Variants in ZC2HC1B observed in about 807,000 individuals in gnomAD.
ZC2HC1B encodes zinc finger C2HC-type containing 1B, also known as zinc finger C2HC domain-containing protein 1B.
In ZC2HC1B, 36 loss-of-function variants were observed where a neutral mutation model predicts 31.0. That is an observed-to-expected ratio of 1.16 (90% CI 0.89 to 1.54). The LOEUF (loss-of-function observed/expected upper bound fraction) is 1.54, where lower values mean the gene tolerates loss of function less well. ZC2HC1B is among the 40% of genes most tolerant of loss of function. ZC2HC1B has a pLI of 0.00. For missense variants in ZC2HC1B, 260 were observed against 268.6 expected (o/e 0.97, Z 0.22); for synonymous variants, 73 against 88.0 (o/e 0.83, Z 0.95).
intron 4 of ZC2HC1B, among the ~76,000 whole-genome samples, chr6:143,889,341 A>G (rs766121545): frequency 1.3e-5 from 2 of 152,112 alleles, no homozygotes; most frequent in Admixed American, 1.3e-4. Flanking sequence ...TGGTAGACTT[A>G]AACCTAACCA....
rs985617642 is a variant in ZC2HC1B at position 143,923,423 on chromosome 6, T to G, written c.599-14226T>G. 2.6e-5 allele frequency among the ~76,000 whole-genome samples: 4 copies of G among 152,190 alleles called. No homozygotes were observed. Among genetic ancestry groups the G allele is most frequent in the African/African-American group, 9.6e-5 (4 of 41,468 alleles). The stretch of plus-strand genomic sequence containing the variant: ...ATGTTGTCCTTCTCACTCTGTTGAT[T>G]GCTTCCTTTGCTGCATAGAAGCTTT... On this transcript the variant is annotated intron_variant, in intron 6 of 7. Transcript: ENST00000237275. The surrounding 1 kb of genome is among the most constrained non-coding windows in gnomAD (Gnocchi z 4.8).
chr6:143,937,166 G>T (rs913425925), intron 6 of ZC2HC1B, among the ~76,000 whole-genome samples: 3 of 152,074 alleles, frequency 2.0e-5, no homozygotes, highest in Non-Finnish European at 4.4e-5. Flanking sequence ...ACACTGCTGG[G>T]CTCAAGGGAA....
chr6:143,870,489 CT>C lies in ZC2HC1B; in HGVS notation c.28+5924del, dbSNP rs1356172100. 6.6e-6 allele frequency among the ~76,000 whole-genome samples: 1 copy of C among 152,188 alleles called. No homozygotes were observed. Among genetic ancestry groups the C allele is most frequent in the Middle Eastern group, 3.2e-3 (1 of 316 alleles). On this transcript the variant is annotated intron_variant, in intron 1 of 7. Transcript: ENST00000237275. This position sits in a 1 kb window ranked among gnomAD's most constrained non-coding sequence, Gnocchi z 4.7. ...TTGAGCCACTTCCTCATGTAACTTA[CT>C]TGTGCCTTTAGGACCTGCTTGAGTC... is the stretch of plus-strand genomic sequence containing the variant.
In ZC2HC1B at chr6:143,887,737, C is replaced by A. The variant is rs962145081; in HGVS notation, c.349+916C>A. Among the ~76,000 whole-genome samples the A allele has an allele frequency of 6.6e-6, 1 of 151,854 alleles. No individual in the cohort carries two copies. Among genetic ancestry groups the A allele is most frequent in the African/African-American group, 2.4e-5 (1 of 41,342 alleles). On this transcript the variant is annotated intron_variant, in intron 4 of 7. Coordinates refer to ENST00000237275, the MANE Select transcript of ZC2HC1B (RefSeq NM_001013623.3). The surrounding 1 kb of genome is among the most constrained non-coding windows in gnomAD (Gnocchi z 5.1). ...TTCCTCTATCTCATCTTTATGTAAA[C>A]TGAAAGTTAGGGCTAGAATCTCAAT... is the stretch of plus-strand genomic sequence containing the variant.
At chr6:143,889,568 G>A (rs1325963753) in intron 4 of ZC2HC1B, among the ~76,000 whole-genome samples, 2 of 152,128 alleles carry the variant, frequency 1.3e-5, no homozygotes, top group Non-Finnish European at 1.5e-5. Context: ...TGCAGGGCAA[G>A]TATTAACAGA....
chr6:143,926,941 G>T, intron 6 of ZC2HC1B, among the ~76,000 whole-genome samples: 1 of 122,492 alleles, frequency 8.2e-6, no homozygotes, highest in Non-Finnish European at 1.6e-5. Flanking sequence ...CTCCCGAGTA[G>T]CTGGGACTAC....
Position 143,918,737 on chromosome 6 carries a change from T to C in ZC2HC1B, c.598+15585T>C, listed in dbSNP as rs1001428819. 2.0e-5 allele frequency among the ~76,000 whole-genome samples: 3 copies of C among 152,184 alleles called. No individual in the cohort carries two copies. Among genetic ancestry groups the C allele is most frequent in the Non-Finnish European group, 4.4e-5 (3 of 68,014 alleles). ...AGGTCCCTAAGGCTCTGTTCACCTT[T>C]CCTTAAGTTTTTCTCTTTCTGTTCC... On this transcript the variant is annotated intron_variant, in intron 6 of 7. Transcript: ENST00000237275. This position sits in a 1 kb window ranked among gnomAD's most constrained non-coding sequence, Gnocchi z 4.1.
Position 143,908,038 on chromosome 6 carries a change from C to G in ZC2HC1B, c.598+4886C>G, listed in dbSNP as rs1777816600. ...AGCACCATTTATTAAATAAAGAATT[C>G]TTTCCCCATTGCTTGTTTTTGTCAG... is the stretch of plus-strand genomic sequence containing the variant. On this transcript the variant is annotated intron_variant, in intron 6 of 7. Transcript: ENST00000237275. The surrounding 1 kb of genome is among the most constrained non-coding windows in gnomAD (Gnocchi z 4.4). 6.6e-6 allele frequency among the ~76,000 whole-genome samples: 1 copy of G among 152,156 alleles called. No homozygotes were observed. Among genetic ancestry groups the G allele is most frequent in the Non-Finnish European group, 1.5e-5 (1 of 68,006 alleles).
intron 6 of ZC2HC1B, among the ~76,000 whole-genome samples, chr6:143,904,110 A>G (rs962176877): frequency 4.6e-5 from 7 of 152,170 alleles, no homozygotes; most frequent in Non-Finnish European, 8.8e-5. Flanking sequence ...GCCTCTTTTC[A>G]AGTGCTTATT....
Position 143,915,455 on chromosome 6 carries a change from T to G in ZC2HC1B, c.598+12303T>G, listed in dbSNP as rs965998519. Among the ~76,000 whole-genome samples the G allele has an allele frequency of 6.6e-6, 1 of 152,172 alleles. No homozygotes were observed. The highest frequency in any genetic ancestry group is 1.5e-5 in the Non-Finnish European group (1 of 68,036). Reference sequence around the variant, plus strand: ...AATTGGTACCAGTAGAGTGGGGCGCTGCTGAAAAGATATCTGAAAATGTGG... The same window carrying G: ...AATTGGTACCAGTAGAGTGGGGCGCGGCTGAAAAGATATCTGAAAATGTGG... On this transcript the variant is annotated intron_variant, in intron 6 of 7. Transcript: ENST00000237275. The surrounding 1 kb of genome is among the most constrained non-coding windows in gnomAD (Gnocchi z 5.2).
chr6:143,925,165 CTTTTTTTTT>C (rs71024879), intron 6 of ZC2HC1B, among the ~76,000 whole-genome samples: 5 of 104,180 alleles, frequency 4.8e-5, no homozygotes, highest in East Asian at 2.7e-4. Context: ...AATCTCATTC[CTTTTTTTTT>C]TTTTTTTTTT....
rs1278363055 is a variant in ZC2HC1B at position 143,933,169 on chromosome 6, T to G, written c.599-4480T>G. 1.3e-5 allele frequency among the ~76,000 whole-genome samples: 2 copies of G among 152,230 alleles called. No homozygotes were observed. Among genetic ancestry groups the G allele is most frequent in the Non-Finnish European group, 2.9e-5 (2 of 68,036 alleles). ...TGTGGACAGACTCGGGACCACTGGT[T>G]AGCCAGGATGTTTCAGGCAGTGGAA... On this transcript the variant is annotated intron_variant, in intron 6 of 7. Coordinates refer to ENST00000237275, the MANE Select transcript of ZC2HC1B (RefSeq NM_001013623.3). This position sits in a 1 kb window ranked among gnomAD's most constrained non-coding sequence, Gnocchi z 6.4.
At chr6:143,912,209 C>A (rs1777868954) in intron 6 of ZC2HC1B, among the ~76,000 whole-genome samples, 1 of 152,156 alleles carries the variant, frequency 6.6e-6, no homozygotes, top group African/African-American at 2.4e-5. Flanking sequence ...TGGTTTACAA[C>A]ATGCTCTTTT....
intron 5 of ZC2HC1B, among the ~76,000 whole-genome samples, chr6:143,901,187 G>C (rs1777733696): frequency 6.9e-6 from 1 of 145,514 alleles, no homozygotes; most frequent in Admixed American, 6.9e-5. Flanking sequence ...GTGCAATGTA[G>C]AAAAAGCCAG....
chr6:143,882,240 GT>G (rs1288048207), intron 1 of ZC2HC1B, among the ~76,000 whole-genome samples: 2 of 150,326 alleles, frequency 1.3e-5, no homozygotes, highest in Non-Finnish European at 3.0e-5. Flanking sequence ...CTTCACTAGT[GT>G]TTTAGAAAGA....
rs1425647171 is a variant in ZC2HC1B at position 143,865,910 on chromosome 6, G to C, written c.28+1343G>C. 6.6e-6 allele frequency among the ~76,000 whole-genome samples: 1 copy of C among 152,190 alleles called. No homozygotes were observed. Among genetic ancestry groups the C allele is most frequent in the Non-Finnish European group, 1.5e-5 (1 of 68,032 alleles). ...ATCTCACTGCAACCTCCAACTCCCGGGTTCAGGCGATTCCCCTGCCTCAGC... is the reference window on the plus strand; with the variant it reads ...ATCTCACTGCAACCTCCAACTCCCGCGTTCAGGCGATTCCCCTGCCTCAGC... On this transcript the variant is annotated intron_variant, in intron 1 of 7. Coordinates refer to ENST00000237275, the MANE Select transcript of ZC2HC1B (RefSeq NM_001013623.3). The surrounding 1 kb of genome is among the most constrained non-coding windows in gnomAD (Gnocchi z 4.4).
chr6:143,913,728 T>G lies in ZC2HC1B; in HGVS notation c.598+10576T>G, dbSNP rs185715869. On this transcript the variant is annotated intron_variant, in intron 6 of 7. Transcript: ENST00000237275. The surrounding 1 kb of genome is among the most constrained non-coding windows in gnomAD (Gnocchi z 5.7). ...CTGATCCACAGGTTGCAAAGATTCATGGGAGAAGCATGGTTTCCTGGGTCA... is the reference window on the plus strand; with the variant it reads ...CTGATCCACAGGTTGCAAAGATTCAGGGGAGAAGCATGGTTTCCTGGGTCA... Among the ~76,000 whole-genome samples, 205 of 152,328 alleles carry G rather than the reference T, an allele frequency of 1.3e-3. No homozygotes were observed. The highest frequency in any genetic ancestry group is 2.3e-3 in the Non-Finnish European group (155 of 68,022).
At chr6:143,894,691 A>C (rs1406043183) in intron 4 of ZC2HC1B, among the ~76,000 whole-genome samples, 1 of 152,240 alleles carries the variant, frequency 6.6e-6, no homozygotes. Flanking sequence ...TTTTAGTAAT[A>C]ATGTAAGTAC....
intron 6 of ZC2HC1B, among the ~76,000 whole-genome samples, chr6:143,912,533 C>G (rs1477283892): frequency 6.6e-6 from 1 of 152,182 alleles, no homozygotes; most frequent in Non-Finnish European, 1.5e-5. Context: ...GGGGTCCACT[C>G]TAAACCTTAG....
Sources: allele counts gnomAD v4.1 joint callset (sites outside exome capture counted in the v4.1 genomes callset), GRCh38; gene constraint gnomAD v4.1.1; non-coding constraint Gnocchi (gnomAD v3.1); transcripts MANE v1.5; gene names NCBI Gene and HGNC (gene_info 2026-07-23, HGNC 2026-07-21).